The following SLC10A4 variants were observed in gnomAD, a reference collection of about 807,000 sequenced individuals.
SLC10A4 encodes the protein putative sodium/bile acid cotransporter 4.
A neutral mutation model predicts 22.5 loss-of-function variants in SLC10A4; 17 were observed. The ratio of observed to expected loss-of-function variants is 0.76; its 90% CI spans 0.52 to 1.14. The LOEUF (loss-of-function observed/expected upper bound fraction) is 1.14, where lower values mean the gene tolerates loss of function less well. SLC10A4 is among the 50% of genes most tolerant of loss of function. The pLI is 0.00. For missense variants in SLC10A4, 548 were observed against 584.0 expected, an observed-to-expected ratio of 0.94 and a Z score of 0.64; for synonymous variants, 257 against 258.2, an observed-to-expected ratio of 1.00 and a Z score of 0.04.
intron 2 of SLC10A4, among the ~76,000 whole-genome samples, chr4:48,487,788 CTTTTTTTTTTT>C (rs35831946): frequency 0.012 from 462 of 39,778 alleles, 2 homozygotes; most frequent in East Asian, 0.049. Flanking sequence ...TTTTGAAGAG[CTTTTTTTTTTT>C]TTTTTTTTTT....
In SLC10A4 at chr4:48,483,689, GC is replaced by G; in HGVS notation, c.132del (p.Gly45AlafsTer57). On this transcript the variant is annotated frameshift_variant, in exon 1 of 3. Coordinates refer to ENST00000273861, the MANE Select transcript of SLC10A4 (RefSeq NM_152679.4). LOFTEE classifies it high-confidence loss of function. The surrounding 1 kb of genome is among the most constrained non-coding windows in gnomAD (Gnocchi z 5.4). The part of the protein sequence containing the change: ...DLALAPASSA[G>X]PGPGLSLGPG... ...GCCCTCGCCCCTGCCTCCAGCGCCG[GC>G]CCCGGCCCTGGGCTCAGCCTCGGGC... The G allele has an allele frequency of 1.4e-6, 2 of 1,469,046 alleles. No individual in the cohort carries two copies. The highest frequency in any genetic ancestry group is 1.8e-4 in the Middle Eastern group (1 of 5,636). 91.0% of individuals were successfully genotyped at this position (1,469,046 alleles called of 1,614,324 possible). A position where few individuals can be genotyped will look rare whatever the true frequency, so the allele number is the denominator to read the frequency against.
Position 48,488,690 on chromosome 4 carries a change from A to G in SLC10A4, c.1065A>G (p.Gln355=). Reference sequence around the variant, plus strand: ...TTCTAAAACTGGCCTTTCCACCGCAATTCATAGGAAGCATGTACATGTTTC... The same window carrying G: ...TTCTAAAACTGGCCTTTCCACCGCAGTTCATAGGAAGCATGTACATGTTTC... The part of the protein sequence containing the change: ...TAILKLAFPP[Q]FIGSMYMFPL... Residue 355 remains glutamine (Q), a synonymous_variant, in exon 3 of 3, where the codon CAA becomes CAG. Transcript: ENST00000273861. 6.2e-7 allele frequency: 1 copy of G among 1,614,052 alleles called. No homozygotes were observed. Among genetic ancestry groups the G allele is most frequent in the South Asian group, 1.1e-5 (1 of 91,080 alleles).
chr4:48,485,325 A>C (rs1718265133), intron 2 of SLC10A4, among the ~76,000 whole-genome samples, 183 bp downstream of exon 2: 1 of 152,248 alleles, frequency 6.6e-6, no homozygotes, highest in African/African-American at 2.4e-5. Context: ...TGGGATTCCT[A>C]GAATGACAGC....
At chr4:48,486,370 A>G (rs1378160922) in intron 2 of SLC10A4, among the ~76,000 whole-genome samples, 1 of 151,936 alleles carries the variant, frequency 6.6e-6, no homozygotes, top group Admixed American at 6.6e-5. Flanking sequence ...AGATGCATTA[A>G]GAACTTGTTA....
At chr4:48,485,920 G>A (rs1036649998) in intron 2 of SLC10A4, among the ~76,000 whole-genome samples, 42 of 152,138 alleles carry the variant, frequency 2.8e-4, no homozygotes, top group Admixed American at 9.8e-4. Flanking sequence ...GTAGATTCTA[G>A]TAGTTGACTG....
intron 2 of SLC10A4, among the ~76,000 whole-genome samples, chr4:48,487,761 T>C (rs1024604121): frequency 4.1e-5 from 6 of 146,964 alleles, no homozygotes; most frequent in African/African-American, 1.5e-4. Flanking sequence ...GGAAAAAAGC[T>C]TTTGAAGGCT....
intron 2 of SLC10A4, among the ~76,000 whole-genome samples, chr4:48,486,035 A>G (rs1718276187): frequency 6.6e-6 from 1 of 152,226 alleles, no homozygotes; most frequent in South Asian, 2.1e-4. Context: ...TAATTAATCA[A>G]ATAAAATACG....
rs1220900055 is a variant in SLC10A4, at chr4:48,484,065, CGT to C, written c.506_507del (p.Val169GlyfsTer22). On this transcript the variant is annotated frameshift_variant, in exon 1 of 3. Coordinates refer to ENST00000273861, the MANE Select transcript of SLC10A4 (RefSeq NM_152679.4). LOFTEE classifies it high-confidence loss of function. ...LAFKLDEVAAVAVLLCGCCPG... is the reference protein window; with the variant it reads ...LAFKLDEVAAXAVLLCGCCPG... ...CCTTCAAGCTGGACGAGGTGGCCGC[CGT>C]GGCGGTGCTCCTGTGTGGCTGCTGT... 6.2e-7 allele frequency: 1 copy of C among 1,604,542 alleles called. No individual in the cohort carries two copies. The highest frequency in any genetic ancestry group is 1.1e-5 in the South Asian group (1 of 90,742).
rs1718327406 is a variant in SLC10A4 at position 48,488,597 on chromosome 4, T to C, written c.972T>C (p.Leu324=). The change falls in exon 3 of 3, where the codon CTT becomes CTC. Residue 324 remains leucine (L), a synonymous_variant. Transcript: ENST00000273861. The part of the protein sequence containing the change: ...SGYGLATLFH[L]PPNCKRTVCL... ...ATGGTTTAGCTACTCTCTTCCATCT[T>C]CCACCCAACTGCAAGAGGACTGTAT... is the stretch of plus-strand genomic sequence containing the variant. 6.2e-7 allele frequency: 1 copy of C among 1,613,938 alleles called. No individual in the cohort carries two copies. Among genetic ancestry groups the C allele is most frequent in the Admixed American group, 1.7e-5 (1 of 59,988 alleles).
At chr4:48,484,241 G>C in intron 1 of SLC10A4, 90 bp downstream of exon 1, 2 of 1,328,194 alleles carry the variant, frequency 1.5e-6, no homozygotes, top group South Asian at 3.1e-5. Flanking sequence ...AGGCAGTGGA[G>C]GGGTTGGAAT....
At position 48,484,223 on chromosome 4, in the gene SLC10A4, A is replaced by C; in HGVS notation, c.590+72A>C. 3 of 1,425,184 alleles carry C rather than the reference A, an allele frequency of 2.1e-6. No individual in the cohort carries two copies. The South Asian group carries it at 4.2e-5, about 20-fold the overall frequency. 88.3% of individuals were successfully genotyped at this position (1,425,184 alleles called of 1,614,324 possible). A position where few individuals can be genotyped will look rare whatever the true frequency, so the allele number is the denominator to read the frequency against. On this transcript the variant is annotated intron_variant, in intron 1 of 2. Transcript: ENST00000273861. ...CGTTTACGGCCGTGGGCTCACGACG[A>C]AGGACAGAGGCAGTGGAGGGGTTGG...
chr4:48,486,728 A>G (rs1718288954), intron 2 of SLC10A4, among the ~76,000 whole-genome samples: 1 of 152,174 alleles, frequency 6.6e-6, no homozygotes. Context: ...CCAATATTTC[A>G]AAATGAAGAA....
In SLC10A4 at chr4:48,489,159, C is replaced by T. The variant is rs952672120; in HGVS notation, c.*220C>T. ...GCACCTGGAATGGCTAACGTGAAGC[C>T]TGAATTAAATGTGGTTTTTAGTTTT... is the stretch of plus-strand genomic sequence containing the variant. On this transcript the variant is annotated 3_prime_UTR_variant, in exon 3 of 3. Transcript: ENST00000273861. The T allele has an allele frequency of 1.7e-5, 8 of 461,674 alleles. No homozygotes were observed. The highest frequency in any genetic ancestry group is 2.6e-5 in the Non-Finnish European group (7 of 271,226). The allele number at this position is 461,674 out of a possible 1,614,324, so 28.6% of individuals were successfully genotyped here. A position where few individuals can be genotyped will look rare whatever the true frequency, so the allele number is the denominator to read the frequency against.
At chr4:48,487,213 T>C (rs1718296812) in intron 2 of SLC10A4, among the ~76,000 whole-genome samples, 1 of 152,200 alleles carries the variant, frequency 6.6e-6, no homozygotes, top group Non-Finnish European at 1.5e-5. Context: ...CCGAAATCCA[T>C]CTATTGTAAT....
At chr4:48,486,533 T>C (rs1718285907) in intron 2 of SLC10A4, among the ~76,000 whole-genome samples, 1 of 149,666 alleles carries the variant, frequency 6.7e-6, no homozygotes, top group African/African-American at 2.4e-5. Context: ...ATATTTAATA[T>C]TTAAATATAA....
rs774910326 is a variant in SLC10A4 at position 48,484,122 on chromosome 4, C to T, written c.561C>T (p.Ser187=). Residue 187 remains serine (S), a synonymous_variant, in exon 1 of 3, where the codon TCC becomes TCT. Transcript: ENST00000273861. ...CPGGNLSNLM[S]LLVDGDMNLS... ...GCGGCAATCTCTCCAATCTTATGTC[C>T]CTGCTGGTTGACGGCGACATGAACC... 33 of 1,588,132 alleles carry T rather than the reference C, an allele frequency of 2.1e-5. No individual in the cohort carries two copies. Among genetic ancestry groups the T allele is most frequent in the East Asian group, 2.3e-5 (1 of 44,424 alleles).
intron 2 of SLC10A4, among the ~76,000 whole-genome samples, chr4:48,486,143 A>G (rs562737126): frequency 1.2e-3 from 184 of 152,296 alleles, no homozygotes; most frequent in African/African-American, 4.1e-3. Context: ...AAGAAGACAT[A>G]ATCTTTTGTT....
At position 48,483,804 on chromosome 4, in the gene SLC10A4, C is replaced by T. The variant is rs1185002810; in HGVS notation, c.243C>T (p.Gly81=). ...TCGCGGGCGGCGCGGCGAGCCACGG[C>T]CCTTCCCCGTTCCCTCGGCCCTGGG... The part of the protein sequence containing the change: ...SGLAGGAASH[G]PSPFPRPWAP... The change falls in exon 1 of 3, where the codon GGC becomes GGT. Residue 81 remains glycine (G), a synonymous_variant. Transcript: ENST00000273861. This position sits in a 1 kb window ranked among gnomAD's most constrained non-coding sequence, Gnocchi z 5.4. 1 of 1,521,288 alleles carries T rather than the reference C, an allele frequency of 6.6e-7. No individual in the cohort carries two copies. Among genetic ancestry groups the T allele is most frequent in the South Asian group, 1.2e-5 (1 of 81,836 alleles). The allele number at this position is 1,521,288 out of a possible 1,614,324, so 94.2% of individuals were successfully genotyped here.
Position 48,488,637 on chromosome 4 carries a change from A to G in SLC10A4, c.1012A>G (p.Ser338Gly), listed in dbSNP as rs1718329322. Residue 338 changes from serine (S) to glycine (G), a missense_variant, in exon 3 of 3, where the codon AGT becomes GGT. By Grantham distance (56) the Ser-to-Gly change is moderately conservative. Transcript: ENST00000273861. ...CKRTVCLETG[S>G]QNVQLCTAIL... ...GAGGACTGTATGTCTGGAAACAGGT[A>G]GTCAGAATGTGCAGCTCTGTACAGC... 1 of 1,614,046 alleles carries G rather than the reference A, an allele frequency of 6.2e-7. No individual in the cohort carries two copies. Among genetic ancestry groups the G allele is most frequent in the Non-Finnish European group, 8.5e-7 (1 of 1,180,036 alleles).
Sources: gnomAD v4.1 joint callset for allele counts (sites outside exome capture counted in the v4.1 genomes callset) on GRCh38, gnomAD v4.1.1 for gene constraint, Gnocchi (gnomAD v3.1) non-coding constraint, MANE v1.5 for transcripts, NCBI Gene and HGNC (gene_info 2026-07-23, HGNC 2026-07-21) for gene names.